SYTL4: variants seen among roughly 807,000 people sequenced by gnomAD.
SYTL4 encodes synaptotagmin-like protein 4.
Under a neutral mutation model 52.7 loss-of-function variants are expected in SYTL4, and 16 were observed. The ratio of observed to expected loss-of-function variants is 0.30; its 90% CI spans 0.21 to 0.46. The LOEUF (loss-of-function observed/expected upper bound fraction) is 0.46. Among genes scored for constraint, SYTL4 ranks in the 20% least tolerant of loss-of-function variants. The pLI is 1.00. For synonymous variants in SYTL4, 160 were observed against 186.6 expected (o/e 0.86, Z 1.16); for missense variants, 423 against 519.9 (o/e 0.81, Z 1.81).
chrX:100,695,740 A>C (rs1307689369), intron 8 of SYTL4, among the ~76,000 whole-genome samples: 1 of 112,207 alleles, frequency 8.9e-6, no homozygotes, highest in African/African-American at 3.2e-5. Flanking sequence ...GCACATGTTC[A>C]AGTGTGCAAC....
At chrX:100,676,596 C>T (rs1021320011) in intron 19 of SYTL4, among the ~76,000 whole-genome samples, 2 of 111,555 alleles carry the variant, frequency 1.8e-5, no homozygotes, top group East Asian at 2.8e-4. Flanking sequence ...GCGATTCTCC[C>T]GCCTCAGCCT....
chrX:100,700,169 A>C, intron 8 of SYTL4, among the ~76,000 whole-genome samples: 1 of 111,568 alleles, frequency 9.0e-6, no homozygotes, highest in Non-Finnish European at 1.9e-5. Flanking sequence ...AACTCAGTGA[A>C]TATACTAAAA....
intron 2 of SYTL4, among the ~76,000 whole-genome samples, chrX:100,706,448 C>G (rs1198005036): frequency 1.8e-5 from 2 of 112,674 alleles, no homozygotes; most frequent in Non-Finnish European, 3.7e-5. Context: ...GCCCCACCTT[C>G]CACCATAGGT....
chrX:100,683,680 C>T (rs980553810), intron 16 of SYTL4, among the ~76,000 whole-genome samples: 1 of 111,962 alleles, frequency 8.9e-6, no homozygotes, highest in Non-Finnish European at 1.9e-5. Context: ...AAGTTAAAAT[C>T]GATATATAAT....
intron 3 of SYTL4, among the ~76,000 whole-genome samples, chrX:100,703,402 G>C (rs989862687): frequency 9.0e-6 from 1 of 111,628 alleles, no homozygotes; most frequent in Non-Finnish European, 1.9e-5. Flanking sequence ...TTACTGCATA[G>C]ACAATAGAAA....
intron 2 of SYTL4, among the ~76,000 whole-genome samples, chrX:100,710,448 T>A (rs1217065433): frequency 4.5e-5 from 5 of 111,947 alleles, no homozygotes; most frequent in Non-Finnish European, 9.4e-5. Flanking sequence ...CGTCAAGAAA[T>A]GTGATGGTGT....
Position 100,690,619 on chromosome X carries a change from A to G in SYTL4, c.661T>C (p.Ser221Pro), listed in dbSNP as rs1243416470. Residue 221 changes from serine (S) to proline (P), a missense_variant, in exon 10 of 20, where the codon TCT becomes CCT. Physicochemically the swap from Ser to Pro is moderately conservative, Grantham distance 74 (BLOSUM62 -1). Transcript: ENST00000372989. ...STSRRDSLDKSGLFPEWKKMS... is the reference protein window; with the variant it reads ...STSRRDSLDKPGLFPEWKKMS... ...TTCTTCCATTCTGGAAAGAGGCCAG[A>G]TTTATCCAGAGAGTCTCTCCTGGAG... 1 of 1,203,647 alleles carries G rather than the reference A, an allele frequency of 8.3e-7. No homozygotes were observed.
intron 8 of SYTL4, among the ~76,000 whole-genome samples, chrX:100,693,774 T>A (rs1602798218): frequency 8.9e-6 from 1 of 112,487 alleles, no homozygotes; most frequent in Non-Finnish European, 1.9e-5. Flanking sequence ...AGCCAAAAGA[T>A]GAAAACATCC....
intron 7 of SYTL4, 91 bp from the exon 8 acceptor site, chrX:100,701,090 T>G: frequency 1.1e-6 from 1 of 907,375 alleles, no homozygotes; most frequent in East Asian, 3.1e-5. Context: ...AAATACACCA[T>G]GCTTGCAGAA....
rs373316838 is a variant in SYTL4, at chrX:100,689,978, A to C, written c.809-19T>G. On this transcript the variant is annotated intron_variant, in intron 11 of 19. Coordinates refer to ENST00000372989, the MANE Select transcript of SYTL4 (RefSeq NM_001370165.1). ...GTGTACTCTGAGGGGAAGACCAAAA[A>C]AGCCAAATCAAAGAGACCTATTCTT... 16 of 1,167,063 alleles carry C rather than the reference A, an allele frequency of 1.4e-5. No individual in the cohort carries two copies. In the African/African-American group the frequency reaches 2.5e-4, roughly 18 times the overall value.
chrX:100,685,928 A>G (rs1447304847), intron 16 of SYTL4, 62 bp downstream of exon 16: 1 of 1,076,565 alleles, frequency 9.3e-7, no homozygotes, highest in Non-Finnish European at 1.2e-6. Context: ...ATAGACCAGC[A>G]GAGGCTACTG....
At chrX:100,721,938 A>AT in intron 2 of SYTL4, among the ~76,000 whole-genome samples, 1 of 109,941 alleles carries the variant, frequency 9.1e-6, no homozygotes. Flanking sequence ...AGTAGCTGGG[A>AT]TTACAGGTGT....
intron 13 of SYTL4, chrX:100,688,011 T>G: frequency 6.3e-6 from 1 of 157,850 alleles, no homozygotes; most frequent in Non-Finnish European, 1.2e-5. Context: ...CTTTTAATGT[T>G]GAGAATTTGG....
intron 6 of SYTL4, 48 bp from the exon 7 acceptor site, chrX:100,701,377 G>C: frequency 8.5e-7 from 1 of 1,170,562 alleles, no homozygotes; most frequent in South Asian, 1.8e-5. Context: ...AATGGTTCTT[G>C]TCTAATAAAG....
chrX:100,727,263 ACAAAT>A (rs1289338066), intron 2 of SYTL4, among the ~76,000 whole-genome samples: 1 of 112,606 alleles, frequency 8.9e-6, no homozygotes, highest in Admixed American at 9.4e-5. Flanking sequence ...GTTCTTACAA[ACAAAT>A]CAAATATATA....
chrX:100,711,010 G>A (rs2084056982), intron 2 of SYTL4, among the ~76,000 whole-genome samples: 1 of 112,156 alleles, frequency 8.9e-6, no homozygotes, highest in African/African-American at 3.2e-5. Flanking sequence ...ACTCACACAG[G>A]GCTAAGAATA....
At position 100,691,107 on chromosome X, in the gene SYTL4, C is replaced by T. The variant is rs1377163684; in HGVS notation, c.641+1G>A. The T allele has an allele frequency of 8.4e-7, 1 of 1,193,444 alleles. No individual in the cohort carries two copies. Among genetic ancestry groups the T allele is most frequent in the Non-Finnish European group, 1.1e-6 (1 of 882,857 alleles). On this transcript the variant is annotated splice_donor_variant, in intron 9 of 19. Transcript: ENST00000372989. LOFTEE classifies it high-confidence loss of function. Reference sequence around the variant, plus strand: ...GATGAGGGAAATGGGGGGAACCCCACCTGGAGGTGCTATCCGAGTCAGCTG... The same window carrying T: ...GATGAGGGAAATGGGGGGAACCCCATCTGGAGGTGCTATCCGAGTCAGCTG...
intron 2 of SYTL4, among the ~76,000 whole-genome samples, chrX:100,722,210 T>C (rs1462672744): frequency 9.2e-6 from 1 of 108,379 alleles, no homozygotes; most frequent in Non-Finnish European, 1.9e-5. Context: ...ACTGTTATAC[T>C]TTATGCATGC....
At chrX:100,716,295 C>G (rs1182877654) in intron 2 of SYTL4, among the ~76,000 whole-genome samples, 3 of 105,858 alleles carry the variant, frequency 2.8e-5, no homozygotes, top group African/African-American at 1.0e-4. Flanking sequence ...ACTAAAAATA[C>G]AAAATTACCC....
Sources: allele counts gnomAD v4.1 joint callset (sites outside exome capture counted in the v4.1 genomes callset), GRCh38; gene constraint gnomAD v4.1.1; transcripts MANE v1.5; gene names NCBI Gene and HGNC (gene_info 2026-07-23, HGNC 2026-07-21).